Variants in TBC1D22A observed in about 807,000 individuals in gnomAD.
TBC1D22A encodes putative GTPase activator.
In TBC1D22A, 38 loss-of-function variants were observed where a neutral mutation model predicts 60.2. The ratio of observed to expected loss-of-function variants is 0.63; its 90% CI spans 0.49 to 0.83. The LOEUF (loss-of-function observed/expected upper bound fraction) is 0.83. TBC1D22A is among the 40% of genes least tolerant of loss of function. The pLI, the probability that TBC1D22A is intolerant of heterozygous loss-of-function variation, is 0.00. For missense variants in TBC1D22A, 628 were observed against 701.0 expected (o/e 0.90, Z 1.18); for synonymous variants, 302 against 281.7 (o/e 1.07, Z -0.72).
chr22:46,791,178 C>T (rs958906308), intron 1 of TBC1D22A, among the ~76,000 whole-genome samples: 3 of 152,260 alleles, frequency 2.0e-5, no homozygotes, highest in Admixed American at 6.5e-5. Context: ...GTCACCACGC[C>T]CAGCCAATTT....
At chr22:47,074,678 C>T (rs1052417947) in intron 11 of TBC1D22A, among the ~76,000 whole-genome samples, 2 of 152,190 alleles carry the variant, frequency 1.3e-5, no homozygotes, top group African/African-American at 4.8e-5. Context: ...CTGGAAGTGG[C>T]ACTGTCTGAA....
chr22:47,143,969 G>A lies in TBC1D22A; in HGVS notation c.1426-29529G>A, dbSNP rs371842907. Reference sequence around the variant, plus strand: ...CATCCTGTGTCCTGCTGGGCTGGCCGTGGTGCCTGGCCACACTCCGAATCA... The same window carrying A: ...CATCCTGTGTCCTGCTGGGCTGGCCATGGTGCCTGGCCACACTCCGAATCA... On this transcript the variant is annotated intron_variant, in intron 12 of 12. Transcript: ENST00000337137. Among the ~76,000 whole-genome samples, 240 of 152,288 alleles carry A rather than the reference G, an allele frequency of 1.6e-3. 3 individuals are homozygous for A. In the South Asian group the frequency reaches 0.048, roughly 30 times the overall value.
intron 10 of TBC1D22A, among the ~76,000 whole-genome samples, chr22:47,025,701 T>A (rs1316206888): frequency 6.6e-6 from 1 of 152,212 alleles, no homozygotes; most frequent in Non-Finnish European, 1.5e-5. Flanking sequence ...AGGCTGTATT[T>A]ACAGGGAAAC....
chr22:47,091,029 A>G (rs1362485578), intron 11 of TBC1D22A, among the ~76,000 whole-genome samples: 2 of 118,020 alleles, frequency 1.7e-5, no homozygotes, highest in Non-Finnish European at 3.4e-5. Flanking sequence ...AGAGACAGGC[A>G]TGAGAAGTCG....
At chr22:46,952,421 C>T (rs528966902) in intron 8 of TBC1D22A, among the ~76,000 whole-genome samples, 1 of 152,296 alleles carries the variant, frequency 6.6e-6, no homozygotes, top group South Asian at 2.1e-4. Context: ...ACTTAAAGGT[C>T]CACAAGTGGC....
At chr22:46,951,627 G>A (rs759158990) in intron 8 of TBC1D22A, among the ~76,000 whole-genome samples, 3 of 152,210 alleles carry the variant, frequency 2.0e-5, no homozygotes, top group South Asian at 2.1e-4. Flanking sequence ...CGTCATCAGA[G>A]CTGAGCACCT....
chr22:46,978,612 G>A (rs997913194), intron 9 of TBC1D22A, among the ~76,000 whole-genome samples: 2 of 151,966 alleles, frequency 1.3e-5, no homozygotes, highest in African/African-American at 4.8e-5. Context: ...CGTGTTTTTT[G>A]TTTGTTTGTT....
At chr22:47,076,355 G>GTGTGTGTGTATATATATATATA (rs1462693147) in intron 11 of TBC1D22A, among the ~76,000 whole-genome samples, 1 of 71,228 alleles carries the variant, frequency 1.4e-5, no homozygotes, top group Non-Finnish European at 2.7e-5. Flanking sequence ...ATATATATAT[G>GTGTGTGTGTATATATATATATA]TGTGTGTATA....
At chr22:46,930,564 T>C (rs2071299336) in intron 8 of TBC1D22A, among the ~76,000 whole-genome samples, 1 of 152,102 alleles carries the variant, frequency 6.6e-6, no homozygotes. Flanking sequence ...CATGCCGTTC[T>C]TCTGCCTCAG....
At chr22:46,956,305 G>A (rs968564050) in intron 8 of TBC1D22A, among the ~76,000 whole-genome samples, 1 of 152,180 alleles carries the variant, frequency 6.6e-6, no homozygotes, top group Non-Finnish European at 1.5e-5. Context: ...GAGATGTGGG[G>A]CCAGGCACAG....
At chr22:47,090,832 C>T (rs1364575068) in intron 11 of TBC1D22A, among the ~76,000 whole-genome samples, 2 of 127,246 alleles carry the variant, frequency 1.6e-5, no homozygotes, top group Non-Finnish European at 3.2e-5. Context: ...TTGATAGAGA[C>T]GGGCACGAGA....
intron 4 of TBC1D22A, among the ~76,000 whole-genome samples, chr22:46,877,924 C>A (rs1405636412): frequency 6.6e-6 from 1 of 152,170 alleles, no homozygotes; most frequent in African/African-American, 2.4e-5. Context: ...ACAGCCTTAC[C>A]CCTCTGCCTG....
At chr22:46,982,978 G>A (rs2074574541) in intron 9 of TBC1D22A, among the ~76,000 whole-genome samples, 1 of 152,352 alleles carries the variant, frequency 6.6e-6, no homozygotes, top group South Asian at 2.1e-4. Flanking sequence ...CTCCGCCTGG[G>A]AAGAACCTTT....
chr22:46,852,899 G>C (rs892395676), intron 4 of TBC1D22A, among the ~76,000 whole-genome samples: 1 of 152,180 alleles, frequency 6.6e-6, no homozygotes, highest in Non-Finnish European at 1.5e-5. Flanking sequence ...CATCTCTGCC[G>C]ACTGAGGTCC....
In TBC1D22A at chr22:47,158,472, C is replaced by T. The variant is rs537686111; in HGVS notation, c.1426-15026C>T. Among the ~76,000 whole-genome samples, 351 of 151,924 alleles carry T rather than the reference C, an allele frequency of 2.3e-3. 1 individual carries two copies. The highest frequency in any genetic ancestry group is 8.2e-3 in the African/African-American group (338 of 41,408). ...CAGCAGTCCTGGGTAGGGGGCAGTT[C>T]CCCCCCCAATCTGAAAAGCCCTGGG... On this transcript the variant is annotated intron_variant, in intron 12 of 12. Transcript: ENST00000337137.
At chr22:46,833,246 C>G (rs778476955) in intron 4 of TBC1D22A, among the ~76,000 whole-genome samples, 2 of 152,180 alleles carry the variant, frequency 1.3e-5, no homozygotes, top group Non-Finnish European at 2.9e-5. Flanking sequence ...TGACTTTTAA[C>G]TTATTGGACC....
chr22:47,065,597 T>A (rs1275715781), intron 11 of TBC1D22A, among the ~76,000 whole-genome samples: 7 of 152,344 alleles, frequency 4.6e-5, no homozygotes, highest in Admixed American at 1.3e-4. Flanking sequence ...TCATTGTGTT[T>A]TTGCTGTGGG....
At chr22:47,072,921 G>C (rs1462484084) in intron 11 of TBC1D22A, among the ~76,000 whole-genome samples, 1 of 152,228 alleles carries the variant, frequency 6.6e-6, no homozygotes, top group Admixed American at 6.5e-5. Context: ...GAGGGTGACC[G>C]GCCCCACACT....
Position 47,085,090 on chromosome 22 carries a change from G to A in TBC1D22A, c.1330-26418G>A, listed in dbSNP as rs894927540. On this transcript the variant is annotated intron_variant, in intron 11 of 12. Transcript: ENST00000337137. ...AAGGTCAGGAGTTTGAGACCAGCCTGGCCAACATGATGAAACTCCGTCTCT... is the reference window on the plus strand; with the variant it reads ...AAGGTCAGGAGTTTGAGACCAGCCTAGCCAACATGATGAAACTCCGTCTCT... Among the ~76,000 whole-genome samples, 15 of 152,178 alleles carry A rather than the reference G, an allele frequency of 9.9e-5. 1 individual carries two copies. The highest frequency in any genetic ancestry group is 7.9e-4 in the Admixed American group (12 of 15,278).
Sources: gnomAD v4.1 joint callset for allele counts (sites outside exome capture counted in the v4.1 genomes callset) on GRCh38, gnomAD v4.1.1 for gene constraint, MANE v1.5 for transcripts, NCBI Gene and HGNC (gene_info 2026-07-23, HGNC 2026-07-21) for gene names.